SLC13A5: variants seen among roughly 807,000 people sequenced by gnomAD.
SLC13A5 encodes the protein Na(+)/citrate cotransporter.
SLC13A5 carries 25 observed loss-of-function variants against 56.5 expected under a neutral mutation model. That is an observed-to-expected ratio of 0.44 (90% confidence interval 0.32 to 0.62). The LOEUF (loss-of-function observed/expected upper bound fraction) is 0.62. SLC13A5 is among the 20% of genes least tolerant of loss of function. The pLI, the probability that SLC13A5 is intolerant of heterozygous loss-of-function variation, is 0.04. For missense variants in SLC13A5, 649 were observed against 737.8 expected (o/e 0.88, Z 1.39); for synonymous variants, 307 against 301.5 (o/e 1.02, Z -0.19).
Position 6,713,213 on chromosome 17 carries a change from G to T in SLC13A5, c.102+19C>A, listed in dbSNP as rs1434528761. On this transcript the variant is annotated intron_variant, in intron 1 of 11. Transcript: ENST00000433363. This position sits in a 1 kb window ranked among gnomAD's most constrained non-coding sequence, Gnocchi z 7.3. Reference sequence around the variant, plus strand: ...CAGGACGCCGGGTGTCCGAAGGGCTGCCTGGAGATGCAACTGACCTTGGCG... The same window carrying T: ...CAGGACGCCGGGTGTCCGAAGGGCTTCCTGGAGATGCAACTGACCTTGGCG... The T allele has an allele frequency of 5.0e-6, 8 of 1,611,932 alleles. No individual in the cohort carries two copies. Among genetic ancestry groups the T allele is most frequent in the Non-Finnish European group, 6.8e-6 (8 of 1,178,614 alleles).
chr17:6,690,673 CCTGGT>C, intron 10 of SLC13A5, 101 bp downstream of exon 10: 1 of 1,517,084 alleles, frequency 6.6e-7, no homozygotes, highest in Admixed American at 1.7e-5. Flanking sequence ...GTCTCCAAAG[CCTGGT>C]CTGAGTCTGG....
At chr17:6,707,270 G>C (rs1053337122) in intron 1 of SLC13A5, 114 bp from the exon 2 acceptor site, 24 of 1,357,830 alleles carry the variant, frequency 1.8e-5, no homozygotes, top group Middle Eastern at 2.5e-4. Context: ...ATCTCAGAGG[G>C]ATTCCCCTCA....
At chr17:6,694,595 T>C (rs1481384590) in intron 7 of SLC13A5, among the ~76,000 whole-genome samples, 1 of 151,984 alleles carries the variant, frequency 6.6e-6, no homozygotes, top group Non-Finnish European at 1.5e-5. Flanking sequence ...TGGGTGACAG[T>C]GTGAGACTCT....
chr17:6,701,113 T>C lies in SLC13A5; in HGVS notation c.730A>G (p.Ser244Gly). 1.2e-6 allele frequency: 2 copies of C among 1,614,108 alleles called. No individual in the cohort carries two copies. The highest frequency in any genetic ancestry group is 8.5e-7 in the Non-Finnish European group (1 of 1,179,984). Residue 244 changes from serine (S) to glycine (G), a missense_variant, in exon 6 of 12, where the codon AGC becomes GGC. Ser to Gly is a moderately conservative substitution (Grantham distance 56). Coordinates refer to ENST00000433363, the MANE Select transcript of SLC13A5 (RefSeq NM_177550.5). The surrounding 1 kb of genome is among the most constrained non-coding windows in gnomAD (Gnocchi z 4.1). Reference protein sequence around the residue: ...LGQMNELFPDSKDLVNFASWF... With the variant: ...LGQMNELFPDGKDLVNFASWF... Reference sequence around the variant, plus strand: ...GAAGCAAAGTTCACGAGGTCCTTGCTGTCAGGAAACAACCTACAAGAAGAC... The same window carrying C: ...GAAGCAAAGTTCACGAGGTCCTTGCCGTCAGGAAACAACCTACAAGAAGAC...
intron 10 of SLC13A5, chr17:6,689,147 A>C (rs1007573893): frequency 3.9e-5 from 6 of 152,350 alleles, no homozygotes; most frequent in Admixed American, 3.9e-4. Flanking sequence ...TTGCTGAGTC[A>C]AGGGGTCTGA....
At chr17:6,707,310 C>T (rs72836210) in intron 1 of SLC13A5, among the ~76,000 whole-genome samples, 154 bp from the exon 2 acceptor site, 2,762 of 152,292 alleles carry the variant, frequency 0.018, 32 homozygotes, top group Middle Eastern at 0.037. Flanking sequence ...CCCTGGTCAG[C>T]ACAGCTTTCC....
At position 6,695,708 on chromosome 17, in the gene SLC13A5, A is replaced by G. The variant is rs1973540838; in HGVS notation, c.1055+18T>C. On this transcript the variant is annotated intron_variant, in intron 7 of 11. Coordinates refer to ENST00000433363, the MANE Select transcript of SLC13A5 (RefSeq NM_177550.5). ...GCCTGGCCCTAAGCCAGCGATTTCT[A>G]TTGAATCCAAGACTTACTTTGTCTC... The G allele has an allele frequency of 1.2e-6, 2 of 1,613,398 alleles. No individual in the cohort carries two copies. The highest frequency in any genetic ancestry group is 1.7e-6 in the Non-Finnish European group (2 of 1,179,480).
intron 9 of SLC13A5, among the ~76,000 whole-genome samples, chr17:6,691,336 G>A (rs1973401432): frequency 6.6e-6 from 1 of 152,172 alleles, no homozygotes; most frequent in South Asian, 2.1e-4. Context: ...CATGCTGCCG[G>A]TCTCTGTTCC....
In SLC13A5 at chr17:6,695,918, C is replaced by G. The variant is rs1973549401; in HGVS notation, c.863G>C (p.Gly288Ala). The change falls in exon 7 of 12, where the codon GGG becomes GCG. Residue 288 changes from glycine (G) to alanine (A), a missense_variant. By Grantham distance (60) the Gly-to-Ala change is moderately conservative. Coordinates refer to ENST00000433363, the MANE Select transcript of SLC13A5 (RefSeq NM_177550.5). ...RFNFKKSWGC[G>A]LESKKNEKAA... is the part of the protein sequence containing the mutation. The stretch of plus-strand genomic sequence containing the variant: ...CTTCTCGTTTTTCTTGCTCTCTAGC[C>G]CGCAGCCCCAGGACTTTTTAAAACT... 3 of 1,613,884 alleles carry G rather than the reference C, an allele frequency of 1.9e-6. No individual in the cohort carries two copies. The Admixed American group carries it at 5.0e-5, about 27-fold the overall frequency.
chr17:6,692,279 G>A lies in SLC13A5; in HGVS notation c.1275+765C>T, dbSNP rs1036311214. The stretch of plus-strand genomic sequence containing the variant: ...TGGATGGATGGATGGATGGATGGAC[G>A]GATGGACGGACGGATGGATGGATGA... On this transcript the variant is annotated intron_variant, in intron 9 of 11. Transcript: ENST00000433363. The surrounding 1 kb of genome is among the most constrained non-coding windows in gnomAD (Gnocchi z 5.5). 4.0e-5 allele frequency among the ~76,000 whole-genome samples: 6 copies of A among 151,400 alleles called. No individual in the cohort carries two copies. Among genetic ancestry groups the A allele is most frequent in the Non-Finnish European group, 8.8e-5 (6 of 67,900 alleles).
chr17:6,696,164 C>T (rs1027129033), intron 6 of SLC13A5, among the ~76,000 whole-genome samples: 2 of 152,188 alleles, frequency 1.3e-5, no homozygotes, highest in Admixed American at 6.5e-5. Flanking sequence ...GCTAGAGGGT[C>T]TCGGCAGGTG....
rs1442101595 is a variant in SLC13A5, at chr17:6,685,195, T to A, written c.*1012A>T. On this transcript the variant is annotated 3_prime_UTR_variant, in exon 12 of 12. Coordinates refer to ENST00000433363, the MANE Select transcript of SLC13A5 (RefSeq NM_177550.5). The surrounding 1 kb of genome is among the most constrained non-coding windows in gnomAD (Gnocchi z 4.2). ...ACCCAGAGGAGCTCAAACGCTGGCA[T>A]GAAAGACTCTGAAGTGGCATAGCCA... is the stretch of plus-strand genomic sequence containing the variant. 6.6e-6 allele frequency: 1 copy of A among 152,234 alleles called. No individual in the cohort carries two copies. The highest frequency in any genetic ancestry group is 1.5e-5 in the Non-Finnish European group (1 of 68,070). 9.4% of individuals were successfully genotyped at this position (152,234 alleles called of 1,614,324 possible).
rs574482693 is a variant in SLC13A5 at position 6,685,297 on chromosome 17, G to T, written c.*910C>A. Reference sequence around the variant, plus strand: ...GATAGCCCACTGTGGCCCCCAGAGCGCCATCACTGCCCATACTTGGAGTGT... The same window carrying T: ...GATAGCCCACTGTGGCCCCCAGAGCTCCATCACTGCCCATACTTGGAGTGT... On this transcript the variant is annotated 3_prime_UTR_variant, in exon 12 of 12. Transcript: ENST00000433363. This position sits in a 1 kb window ranked among gnomAD's most constrained non-coding sequence, Gnocchi z 4.2. The T allele has an allele frequency of 6.6e-6, 1 of 152,234 alleles. No homozygotes were observed. Among genetic ancestry groups the T allele is most frequent in the Non-Finnish European group, 1.5e-5 (1 of 68,054 alleles). 9.4% of individuals were successfully genotyped at this position (152,234 alleles called of 1,614,324 possible).
rs890208913 is a variant in SLC13A5, at chr17:6,694,094, T to C, written c.1156+3A>G. ...GACTGGGCGATCAGAACAGGAGACT[T>C]ACCTTCCTCAGTCTGGCTGCGGAAG... On this transcript the variant is annotated splice_donor_region_variant and intron_variant, in intron 8 of 11. Coordinates refer to ENST00000433363, the MANE Select transcript of SLC13A5 (RefSeq NM_177550.5). The C allele has an allele frequency of 6.2e-7, 1 of 1,606,716 alleles. No individual in the cohort carries two copies. The highest frequency in any genetic ancestry group is 1.7e-5 in the Admixed American group (1 of 59,882).
chr17:6,692,925 TGCGGTTATACGAAGGATGCAGGCACAGAA>T lies in SLC13A5; in HGVS notation c.1275+90_1275+118del. 1 of 770,022 alleles carries T rather than the reference TGCGGTTATACGAAGGATGCAGGCACAGAA, an allele frequency of 1.3e-6. No individual in the cohort carries two copies. Among genetic ancestry groups the T allele is most frequent in the Non-Finnish European group, 2.3e-6 (1 of 430,898 alleles). 47.7% of individuals were successfully genotyped at this position (770,022 alleles called of 1,614,324 possible). ...ACAGAGTCCATGTCCTCAAGGAATG[TGCGGTTATACGAAGGATGCAGGCACAGAA>T]ACACACAAGCCCAGGGATGGAAGGG... On this transcript the variant is annotated intron_variant, in intron 9 of 11. Coordinates refer to ENST00000433363, the MANE Select transcript of SLC13A5 (RefSeq NM_177550.5). The surrounding 1 kb of genome is among the most constrained non-coding windows in gnomAD (Gnocchi z 5.5).
chr17:6,692,866 C>T lies in SLC13A5; in HGVS notation c.1275+178G>A. On this transcript the variant is annotated intron_variant, in intron 9 of 11. Transcript: ENST00000433363. This position sits in a 1 kb window ranked among gnomAD's most constrained non-coding sequence, Gnocchi z 5.5. The stretch of plus-strand genomic sequence containing the variant: ...CAAAGGTTACTTTCTGTCTTCCAGG[C>T]CCTGTGTGTGGTGTAGAGTTCCTAG... 1.7e-6 allele frequency: 1 copy of T among 605,404 alleles called. No individual in the cohort carries two copies. Among genetic ancestry groups the T allele is most frequent in the Non-Finnish European group, 3.0e-6 (1 of 338,388 alleles). The allele number at this position is 605,404 out of a possible 1,614,324, so 37.5% of individuals were successfully genotyped here.
chr17:6,684,865 C>T lies in SLC13A5; in HGVS notation c.*1342G>A, dbSNP rs1423448883. ...TTTCTCCTGCCCTGGAAAATGCCAT[C>T]CAGGAGCTCATCTCTTTGCTACTGC... On this transcript the variant is annotated 3_prime_UTR_variant, in exon 12 of 12. Coordinates refer to ENST00000433363, the MANE Select transcript of SLC13A5 (RefSeq NM_177550.5). The T allele has an allele frequency of 6.6e-6, 1 of 152,196 alleles. No individual in the cohort carries two copies. The highest frequency in any genetic ancestry group is 1.5e-5 in the Non-Finnish European group (1 of 68,030). 9.4% of individuals were successfully genotyped at this position (152,196 alleles called of 1,614,324 possible).
Position 6,690,860 on chromosome 17 carries a change from C to T in SLC13A5, c.1356G>A (p.Leu452=), listed in dbSNP as rs1854850819. 16 of 1,614,248 alleles carry T rather than the reference C, an allele frequency of 9.9e-6. No individual in the cohort carries two copies. The highest frequency in any genetic ancestry group is 1.4e-5 in the Non-Finnish European group (16 of 1,180,040). ...AVPPAAITLI[L]SLLVAVFTEC... The stretch of plus-strand genomic sequence containing the variant: ...CAGTGAACACGGCAACGAGCAAGGA[C>T]AAGATCAAGGTGATGGCTGCCGGGG... Residue 452 remains leucine, a synonymous_variant, in exon 10 of 12, where the codon TTG becomes TTA. Transcript: ENST00000433363.
At chr17:6,705,930 C>T (rs1973853213) in intron 3 of SLC13A5, among the ~76,000 whole-genome samples, 1 of 152,342 alleles carries the variant, frequency 6.6e-6, no homozygotes, top group East Asian at 1.9e-4. Context: ...TCTCTGCCTC[C>T]AATCCCTCAT....
Sources: allele counts gnomAD v4.1 joint callset (sites outside exome capture counted in the v4.1 genomes callset), GRCh38; gene constraint gnomAD v4.1.1; non-coding constraint Gnocchi (gnomAD v3.1); transcripts MANE v1.5; gene names NCBI Gene and HGNC (gene_info 2026-07-23, HGNC 2026-07-21).